The following ELMO1 variants were observed in gnomAD, a reference collection of about 807,000 sequenced individuals.
ELMO1 encodes the protein engulfment and cell motility protein 1.
In ELMO1, 26 loss-of-function variants were observed where a neutral mutation model predicts 98.9. That is an observed-to-expected ratio of 0.26 (90% CI 0.19 to 0.36). The LOEUF (loss-of-function observed/expected upper bound fraction) is 0.36. Ranked by LOEUF, ELMO1 falls within the 10% of genes least tolerant of loss-of-function variation. The pLI is 1.00. For synonymous variants in ELMO1, 346 were observed against 346.0 expected, an observed-to-expected ratio of 1.00 and a Z score of 0.00; for missense variants, 627 against 935.2, an observed-to-expected ratio of 0.67 and a Z score of 4.30.
At position 36,899,700 on chromosome 7, in the gene ELMO1, T is replaced by TTTTTTTTTTTA. The variant is rs60221089; in HGVS notation, c.1438-4684_1438-4683insTAAAAAAAAAA. ...TTTACTCATCTTTTTTTTTTTTTTT[T>TTTTTTTTTTTA]ACCACTCCTAAACTAGGAGTACTAA... is the stretch of plus-strand genomic sequence containing the variant. On this transcript the variant is annotated intron_variant, in intron 16 of 21. Coordinates refer to ENST00000310758, the MANE Select transcript of ELMO1 (RefSeq NM_014800.11). 8.7e-3 allele frequency among the ~76,000 whole-genome samples: 1,242 copies of TTTTTTTTTTTA among 143,554 alleles called. 66 individuals are homozygous for TTTTTTTTTTTA. The highest frequency in any genetic ancestry group is 0.032 in the African/African-American group (1,203 of 37,666). The allele number at this position is 143,554 out of a possible 152,430, so 94.2% of individuals were successfully genotyped here. A position where few individuals can be genotyped will look rare whatever the true frequency, so the allele number is the denominator to read the frequency against.
rs77382021 is a variant in ELMO1 at position 37,213,201 on chromosome 7, A to G, written c.954+134T>C. ...CACCTAATTTTGAAGCCATGCCCCTAAGTTCTGAGATGATAATAAAATGAC... is the reference window on the plus strand; with the variant it reads ...CACCTAATTTTGAAGCCATGCCCCTGAGTTCTGAGATGATAATAAAATGAC... On this transcript the variant is annotated intron_variant, in intron 12 of 21. Coordinates refer to ENST00000310758, the MANE Select transcript of ELMO1 (RefSeq NM_014800.11). The G allele has an allele frequency of 2.0e-3, 2,341 of 1,174,194 alleles. 24 individuals are homozygous for G. The African/African-American group carries it at 0.033, about 17-fold the overall frequency. The allele number at this position is 1,174,194 out of a possible 1,614,324, so 72.7% of individuals were successfully genotyped here. A position where few individuals can be genotyped will look rare whatever the true frequency, so the allele number is the denominator to read the frequency against.
In ELMO1 at chr7:37,013,379, C is replaced by T. The variant is rs1333457205; in HGVS notation, c.1357G>A (p.Glu453Lys). ...PMFFTHDRSF[E>K]EFFCICIQLL... ...TGGATACAGATGCAGAAAAACTCCT[C>T]AAAGGATCTGTCGTGGGTGAAGAAC... Residue 453 changes from glutamate to lysine, a missense_variant, in exon 16 of 22, where the codon GAG becomes AAG. Around this residue, in one of 3 missense-constraint regions of ELMO1, gnomAD observed 492 missense variants for 715.6 expected, o/e 0.69. Transcript: ENST00000310758. 1 of 1,614,110 alleles carries T rather than the reference C, an allele frequency of 6.2e-7. No individual in the cohort carries two copies. Among genetic ancestry groups the T allele is most frequent in the Non-Finnish European group, 8.5e-7 (1 of 1,180,012 alleles).
chr7:36,988,360 T>C (rs1427496095), intron 16 of ELMO1, among the ~76,000 whole-genome samples: 1 of 152,178 alleles, frequency 6.6e-6, no homozygotes, highest in Non-Finnish European at 1.5e-5. Context: ...AAATCCTCAG[T>C]TTATGCCAAA....
Position 37,213,336 on chromosome 7 carries a change from T to C in ELMO1, c.953A>G (p.Gln318Arg). Residue 318 changes from glutamine to arginine, a missense_variant and splice_region_variant, in exon 12 of 22, where the codon CAG becomes CGG. By Grantham distance (43) the Gln-to-Arg change is conservative (BLOSUM62 1). Transcript: ENST00000310758. ...RMMTKMDPQDQAQRDIIFELR... is the reference protein window; with the variant it reads ...RMMTKMDPQDRAQRDIIFELR... ...GACTGCTGTCCAATGAGCACTCACC[T>C]GGTCCTGGGGGTCCATTTTGGTCAT... 3 of 1,612,882 alleles carry C rather than the reference T, an allele frequency of 1.9e-6. No homozygotes were observed.
intron 10 of ELMO1, among the ~76,000 whole-genome samples, chr7:37,219,048 A>G (rs4723617): frequency 8.5e-5 from 13 of 152,332 alleles, no homozygotes; most frequent in Admixed American, 8.5e-4. Context: ...TGCCCGCCTA[A>G]CAGCAACCTC....
At chr7:37,145,443 A>G (rs975944856) in intron 13 of ELMO1, among the ~76,000 whole-genome samples, 2 of 152,236 alleles carry the variant, frequency 1.3e-5, no homozygotes, top group Non-Finnish European at 2.9e-5. Flanking sequence ...CAGAAACAGG[A>G]ATTATAATTT....
At chr7:36,936,878 C>T (rs756997156) in intron 16 of ELMO1, among the ~76,000 whole-genome samples, 6 of 152,208 alleles carry the variant, frequency 3.9e-5, no homozygotes, top group African/African-American at 1.4e-4. Context: ...GTGCTTAACA[C>T]AGGATTAAGT....
At chr7:37,206,057 C>T (rs968404906) in intron 13 of ELMO1, among the ~76,000 whole-genome samples, 2 of 152,126 alleles carry the variant, frequency 1.3e-5, no homozygotes, top group African/African-American at 4.8e-5. Context: ...CACTACCCTC[C>T]TAGGGACAAC....
intron 1 of ELMO1, among the ~76,000 whole-genome samples, chr7:37,417,192 T>C (rs1804254479): frequency 6.6e-6 from 1 of 152,172 alleles, no homozygotes; most frequent in Non-Finnish European, 1.5e-5. Flanking sequence ...CTGTTATGCA[T>C]GGAAAGGCGT....
intron 1 of ELMO1, among the ~76,000 whole-genome samples, chr7:37,420,050 C>T (rs574715266): frequency 1.3e-5 from 2 of 152,238 alleles, no homozygotes; most frequent in African/African-American, 4.8e-5. Context: ...GATGTTTTCA[C>T]GATTTACACA....
intron 14 of ELMO1, among the ~76,000 whole-genome samples, chr7:37,123,431 G>A (rs148613887): frequency 0.087 from 13,284 of 152,008 alleles, 720 homozygotes; most frequent in African/African-American, 0.15. Context: ...TCAAATAGAC[G>A]CAATAAAAAA....
chr7:36,861,938 T>C (rs1802668360), intron 20 of ELMO1: 1 of 591,722 alleles, frequency 1.7e-6, no homozygotes, highest in East Asian at 2.8e-5. Flanking sequence ...GTCTGTGAAC[T>C]ATCTCATTTA....
intron 15 of ELMO1, among the ~76,000 whole-genome samples, chr7:37,037,662 G>C (rs1795269337): frequency 1.3e-5 from 2 of 152,206 alleles, no homozygotes; most frequent in African/African-American, 4.8e-5. Context: ...CTAGTATCAA[G>C]TGAGCTGGGG....
chr7:37,327,901 A>G (rs1404703427), intron 2 of ELMO1, among the ~76,000 whole-genome samples: 2 of 152,098 alleles, frequency 1.3e-5, no homozygotes, highest in Non-Finnish European at 2.9e-5. Context: ...CTTCACCCCT[A>G]CCTTCAATAT....
At chr7:37,240,714 G>A (rs1794724917) in intron 7 of ELMO1, among the ~76,000 whole-genome samples, 1 of 152,120 alleles carries the variant, frequency 6.6e-6, no homozygotes, top group African/African-American at 2.4e-5. Flanking sequence ...AATTTCAACT[G>A]AGTTATTCCT....
At chr7:37,172,395 A>G (rs1217384893) in intron 13 of ELMO1, among the ~76,000 whole-genome samples, 1 of 152,170 alleles carries the variant, frequency 6.6e-6, no homozygotes, top group Non-Finnish European at 1.5e-5. Context: ...CTCAATATCT[A>G]GGAAATGTTC....
At chr7:37,329,417 C>T (rs1295754660) in intron 2 of ELMO1, among the ~76,000 whole-genome samples, 1 of 152,130 alleles carries the variant, frequency 6.6e-6, no homozygotes, top group African/African-American at 2.4e-5. Context: ...AGAATATTTA[C>T]AATTCTCTCT....
chr7:37,166,410 G>A (rs902429813), intron 13 of ELMO1, among the ~76,000 whole-genome samples: 1 of 151,998 alleles, frequency 6.6e-6, no homozygotes, highest in South Asian at 2.1e-4. Flanking sequence ...TGCTTTTCTA[G>A]TTCTTTTAAT....
At chr7:37,447,638 A>ACC (rs148859083) in intron 1 of ELMO1, among the ~76,000 whole-genome samples, 43 of 130,304 alleles carry the variant, frequency 3.3e-4, no homozygotes, top group African/African-American at 1.2e-3. Flanking sequence ...CACCCACAAC[A>ACC]CCCCCCCCAC....
Sources: gnomAD v4.1 joint callset for allele counts (sites outside exome capture counted in the v4.1 genomes callset) on GRCh38, gnomAD v4.1.1 for gene constraint, gnomAD v4.1.1 regional missense constraint, MANE v1.5 for transcripts, NCBI Gene and HGNC (gene_info 2026-07-23, HGNC 2026-07-21) for gene names.